The following ADGRF5 variants were observed in gnomAD, a reference collection of about 807,000 sequenced individuals.
ADGRF5 encodes adhesion G protein-coupled receptor F5.
Under a neutral mutation model 132.3 loss-of-function variants are expected in ADGRF5, and 75 were observed. The ratio of observed to expected loss-of-function variants is 0.57; its 90% CI spans 0.47 to 0.69. The LOEUF (loss-of-function observed/expected upper bound fraction) is 0.69, where lower values mean the gene tolerates loss of function less well. ADGRF5 is among the 30% of genes least tolerant of loss of function. The pLI, the probability that ADGRF5 is intolerant of heterozygous loss-of-function variation, is 0.00. For missense variants in ADGRF5, 1,516 were observed against 1,630.6 expected (o/e 0.93, Z 1.21); for synonymous variants, 629 against 597.6 (o/e 1.05, Z -0.77).
At chr6:46,860,109 T>C (rs1341624667) in intron 16 of ADGRF5, among the ~76,000 whole-genome samples, 3 of 152,170 alleles carry the variant, frequency 2.0e-5, no homozygotes, top group Non-Finnish European at 4.4e-5. Flanking sequence ...TCCAAGACTA[T>C]AGCTCCTGCT....
At chr6:46,875,797 A>G (rs1771592593) in intron 10 of ADGRF5, among the ~76,000 whole-genome samples, 1 of 152,184 alleles carries the variant, frequency 6.6e-6, no homozygotes, top group East Asian at 1.9e-4. Flanking sequence ...ACAAACAAAC[A>G]AAAAACAAAA....
chr6:46,879,479 C>A (rs1421925046), intron 9 of ADGRF5, among the ~76,000 whole-genome samples: 4 of 152,116 alleles, frequency 2.6e-5, no homozygotes, highest in Admixed American at 2.6e-4. Flanking sequence ...TCCCCAGACC[C>A]TCTCTCCCTC....
intron 10 of ADGRF5, among the ~76,000 whole-genome samples, chr6:46,877,322 CTTCTTTCTTTCTTTCTTTCT>C (rs201240602): frequency 0.013 from 407 of 30,282 alleles, 9 homozygotes; most frequent in South Asian, 0.048. Context: ...TCCTTCCTTC[CTTCTTTCTTTCTTTCTTTCT>C]TTCTTTCTTT....
intron 15 of ADGRF5, among the ~76,000 whole-genome samples, chr6:46,862,467 A>G (rs1362452462): frequency 1.3e-5 from 2 of 152,144 alleles, no homozygotes; most frequent in Non-Finnish European, 2.9e-5. Flanking sequence ...CATCAAGCCC[A>G]GCTATTTTTT....
At chr6:46,864,032 C>T (rs1173654119) in intron 14 of ADGRF5, among the ~76,000 whole-genome samples, 1 of 152,182 alleles carries the variant, frequency 6.6e-6, no homozygotes, top group Non-Finnish European at 1.5e-5. Flanking sequence ...TAAACTCAAA[C>T]AATCTTGGTG....
chr6:46,869,717 C>G (rs558915540), intron 11 of ADGRF5, among the ~76,000 whole-genome samples: 1 of 152,130 alleles, frequency 6.6e-6, no homozygotes, highest in Non-Finnish European at 1.5e-5. Context: ...GCCTGTATTG[C>G]CCAAATATGA....
chr6:46,954,762 A>G (rs926734854), exon 1 of ADGRF5: 2 of 152,212 alleles, frequency 1.3e-5, no homozygotes, highest in Non-Finnish European at 2.9e-5. Flanking sequence ...TCAGGCTTCT[A>G]AAATTTAACA....
Position 46,884,102 on chromosome 6 carries a change from A to G in ADGRF5, c.498T>C (p.Leu166=), listed in dbSNP as rs1414721735. 1.9e-6 allele frequency: 3 copies of G among 1,613,564 alleles called. No individual in the cohort carries two copies. In the South Asian group the frequency reaches 3.3e-5, roughly 18 times the overall value. ...TAATGAGCAGTTACTTACCTTCCTG[A>G]AGCAGGCAAAAAGGTCCATTGGGAG... ...ELPPNGPFCL[L]QEDVTLNMRV... The change falls in exon 5 of 21, where the codon CTT becomes CTC. Residue 166 remains leucine, a synonymous_variant. Coordinates refer to ENST00000283296, the MANE Select transcript of ADGRF5 (RefSeq NM_001098518.2).
At chr6:46,902,907 A>G (rs1774918493) in intron 2 of ADGRF5, among the ~76,000 whole-genome samples, 1 of 152,178 alleles carries the variant, frequency 6.6e-6, no homozygotes, top group Admixed American at 6.5e-5. Flanking sequence ...AAGTCACCGG[A>G]CCTGATTTGA....
chr6:46,921,176 T>A (rs1269688360), intron 1 of ADGRF5, among the ~76,000 whole-genome samples: 1 of 152,168 alleles, frequency 6.6e-6, no homozygotes, highest in Non-Finnish European at 1.5e-5. Context: ...CAGTCCTGTG[T>A]GGGAGGCTGC....
At chr6:46,926,113 G>A (rs1777231483), upstream of ADGRF5, among the ~76,000 whole-genome samples, 1 of 152,154 alleles carries the variant, frequency 6.6e-6, no homozygotes, top group Non-Finnish European at 1.5e-5. Flanking sequence ...TCTTGGGTGT[G>A]TATATTTTGG....
intron 1 of ADGRF5, among the ~76,000 whole-genome samples, chr6:46,913,070 T>A (rs1776099518): frequency 6.6e-6 from 1 of 152,206 alleles, no homozygotes; most frequent in Non-Finnish European, 1.5e-5. Flanking sequence ...ACTGTCTTGA[T>A]AAATTCTTCT....
chr6:46,858,873 T>C lies in ADGRF5; in HGVS notation c.3030A>G (p.Ile1010Met). 1 of 1,613,522 alleles carries C rather than the reference T, an allele frequency of 6.2e-7. No homozygotes were observed. The highest frequency in any genetic ancestry group is 8.5e-7 in the Non-Finnish European group (1 of 1,179,818). ...CAACATAAGAAATAATATCCAGGAGTATTCCCAGGAGAGAACTAGGATCTG... is the reference window on the plus strand; with the variant it reads ...CAACATAAGAAATAATATCCAGGAGCATTCCCAGGAGAGAACTAGGATCTG... ...DSPDPSSLLG[I>M]LLDIISYVGV... The change falls in exon 17 of 21, where the codon ATA (isoleucine) becomes ATG (methionine). Residue 1010 changes from isoleucine (I) to methionine (M), a missense_variant. Ile to Met is a conservative substitution (Grantham distance 10, BLOSUM62 1). Around this residue, in one of 2 missense-constraint regions of ADGRF5, gnomAD observed 571 missense variants for 701.2 expected, o/e 0.81. Coordinates refer to ENST00000283296, the MANE Select transcript of ADGRF5 (RefSeq NM_001098518.2).
chr6:46,929,538 GAAAA>G (rs11343793), intron 1 of ADGRF5, among the ~76,000 whole-genome samples: 1 of 142,164 alleles, frequency 7.0e-6, no homozygotes, highest in Non-Finnish European at 1.5e-5. Flanking sequence ...GTAAAAAGAT[GAAAA>G]AAAAAAAAAG....
At chr6:46,855,780 G>A (rs1768965081) in intron 20 of ADGRF5, among the ~76,000 whole-genome samples, 194 bp downstream of exon 20, 1 of 152,128 alleles carries the variant, frequency 6.6e-6, no homozygotes, top group African/African-American at 2.4e-5. Context: ...AAGTTGCTTA[G>A]CAAAGGCAGC....
intron 2 of ADGRF5, among the ~76,000 whole-genome samples, chr6:46,900,296 T>A (rs1774619627): frequency 1.3e-5 from 2 of 152,172 alleles, no homozygotes; most frequent in South Asian, 4.2e-4. Flanking sequence ...GGAATTCATT[T>A]TTTTTTAGAC....
chr6:46,904,021 C>T (rs1775047190), intron 2 of ADGRF5, among the ~76,000 whole-genome samples: 1 of 152,144 alleles, frequency 6.6e-6, no homozygotes, highest in African/African-American at 2.4e-5. Flanking sequence ...TCCACTCAGA[C>T]CTGACATCAA....
At chr6:46,876,242 G>C (rs988281222) in intron 10 of ADGRF5, among the ~76,000 whole-genome samples, 13 of 152,236 alleles carry the variant, frequency 8.5e-5, no homozygotes, top group Non-Finnish European at 1.8e-4. Context: ...CAGGCTGCCA[G>C]CCCTGAGGCA....
Position 46,906,792 on chromosome 6 carries a change from ATGGAAATATGATGG to A in ADGRF5, c.-24-20_-24-7del. The A allele has an allele frequency of 9.0e-7, 1 of 1,117,036 alleles. No homozygotes were observed. The highest frequency in any genetic ancestry group is 1.4e-6 in the Non-Finnish European group (1 of 726,750). The allele number at this position is 1,117,036 out of a possible 1,614,324, so 69.2% of individuals were successfully genotyped here. On this transcript the variant is annotated splice_polypyrimidine_tract_variant and splice_region_variant and intron_variant, in intron 1 of 20. Transcript: ENST00000283296. ...TCAAGTTTGAGTTGGTTGGCCTGAA[ATGGAAATATGATGG>A]TTTAGATATACAGCAATTTATTTCT... is the stretch of plus-strand genomic sequence containing the variant.
Sources: gnomAD v4.1 joint callset for allele counts (sites outside exome capture counted in the v4.1 genomes callset) on GRCh38, gnomAD v4.1.1 for gene constraint, gnomAD v4.1.1 regional missense constraint, MANE v1.5 for transcripts, NCBI Gene and HGNC (gene_info 2026-07-23, HGNC 2026-07-21) for gene names.